Variants in RIC1 observed in about 807,000 individuals in gnomAD.
RIC1 encodes guanine nucleotide exchange factor subunit RIC1.
RIC1 carries 88 observed loss-of-function variants against 169.0 expected under a neutral mutation model. The observed-to-expected ratio is 0.52, with a 90% CI of 0.44 to 0.62. The LOEUF (loss-of-function observed/expected upper bound fraction) is 0.62. Among genes scored for constraint, RIC1 ranks in the 20% least tolerant of loss-of-function variants. The pLI, the probability that RIC1 is intolerant of heterozygous loss-of-function variation, is 0.00. For synonymous variants in RIC1, 790 were observed against 601.5 expected (o/e 1.31, Z -4.59); for missense variants, 1,877 against 1,725.5 (o/e 1.09, Z -1.56).
intron 1 of RIC1, among the ~76,000 whole-genome samples, chr9:5,655,001 T>C (rs1367790267): frequency 6.6e-6 from 1 of 152,240 alleles, no homozygotes; most frequent in East Asian, 1.9e-4. Flanking sequence ...TCAAATTTTC[T>C]ACATAGATGA....
chr9:5,705,021 A>C (rs960885982), intron 3 of RIC1, among the ~76,000 whole-genome samples: 2 of 152,136 alleles, frequency 1.3e-5, no homozygotes, highest in African/African-American at 4.8e-5. Flanking sequence ...ATTGATCTGT[A>C]TGTCTGCCCT....
chr9:5,747,487 G>A lies in RIC1; in HGVS notation c.1434G>A (p.Arg478=), dbSNP rs1483158110. The A allele has an allele frequency of 1.2e-6, 2 of 1,613,672 alleles. No homozygotes were observed. The highest frequency in any genetic ancestry group is 1.7e-6 in the Non-Finnish European group (2 of 1,179,684). Reference sequence around the variant, plus strand: ...GATTAAGCACTTTACTTGGACATCGGCATTGGCATGTTGTACAGGTAAATC... The same window carrying A: ...GATTAAGCACTTTACTTGGACATCGACATTGGCATGTTGTACAGGTAAATC... The part of the protein sequence containing the change: ...SQGLSTLLGH[R]HWHVVQISST... Residue 478 remains arginine, a synonymous_variant, in exon 12 of 26, where the codon CGG becomes CGA. Coordinates refer to ENST00000414202, the MANE Select transcript of RIC1 (RefSeq NM_020829.4).
rs564086192 is a variant in RIC1 at position 5,753,927 on chromosome 9, C to T, written c.1602+281C>T. 2.6e-5 allele frequency among the ~76,000 whole-genome samples: 4 copies of T among 152,106 alleles called. No individual in the cohort carries two copies. In the East Asian group the frequency reaches 5.8e-4, roughly 22 times the overall value. ...CTGAGGATTTATTCTTACATTCCAG[C>T]TTGAGTTTATCTGATGTGATCAGAA... is the stretch of plus-strand genomic sequence containing the variant. On this transcript the variant is annotated intron_variant, in intron 14 of 25. Transcript: ENST00000414202.
At chr9:5,655,438 T>G (rs1005251993) in intron 1 of RIC1, among the ~76,000 whole-genome samples, 2 of 152,010 alleles carry the variant, frequency 1.3e-5, no homozygotes, top group Non-Finnish European at 1.5e-5. Flanking sequence ...ATAGCTGGCA[T>G]TATAGGCGCC....
intron 12 of RIC1, among the ~76,000 whole-genome samples, chr9:5,750,158 A>G (rs948153843): frequency 6.6e-6 from 1 of 151,816 alleles, no homozygotes; most frequent in Non-Finnish European, 1.5e-5. Context: ...TTTTGAAGTC[A>G]TTTGTTGACA....
At chr9:5,647,349 G>A (rs1818566603) in intron 1 of RIC1, among the ~76,000 whole-genome samples, 1 of 152,202 alleles carries the variant, frequency 6.6e-6, no homozygotes, top group Non-Finnish European at 1.5e-5. Context: ...TGCTAAAAAT[G>A]CTGTTAGGAT....
In RIC1 at chr9:5,656,641, C is replaced by T; in HGVS notation, c.203C>T (p.Ser68Phe). ...EPAKSSTQFG[S>F]YKQAEWRPDS... ...GCAAAATCATCTACTCAGTTTGGAT[C>T]CTACAAGCAAGCTGAATGGAGGCCA... The change falls in exon 2 of 26, where the codon TCC becomes TTC. Residue 68 changes from serine to phenylalanine, a missense_variant. Physicochemically the swap from Ser to Phe is radical, Grantham distance 155 (BLOSUM62 -2). Coordinates refer to ENST00000414202, the MANE Select transcript of RIC1 (RefSeq NM_020829.4). 2 of 1,610,654 alleles carry T rather than the reference C, an allele frequency of 1.2e-6. No homozygotes were observed. Among genetic ancestry groups the T allele is most frequent in the Non-Finnish European group, 1.7e-6 (2 of 1,178,102 alleles).
chr9:5,774,918 G>A lies in RIC1; in HGVS notation c.*672G>A, dbSNP rs1391136050. On this transcript the variant is annotated 3_prime_UTR_variant, in exon 26 of 26. Coordinates refer to ENST00000414202, the MANE Select transcript of RIC1 (RefSeq NM_020829.4). The stretch of plus-strand genomic sequence containing the variant: ...GTCTGAGGGGGTTCTTCTCAATTTT[G>A]CTGTTAGATACCACTAAACTATTTT... 1 of 152,164 alleles carries A rather than the reference G, an allele frequency of 6.6e-6. No homozygotes were observed. The highest frequency in any genetic ancestry group is 1.5e-5 in the Non-Finnish European group (1 of 68,030). 9.4% of individuals were successfully genotyped at this position (152,164 alleles called of 1,614,324 possible).
intron 2 of RIC1, among the ~76,000 whole-genome samples, chr9:5,671,785 C>G (rs140437260): frequency 6.6e-6 from 1 of 152,220 alleles, no homozygotes; most frequent in African/African-American, 2.4e-5. Flanking sequence ...ATCAAGATAT[C>G]AAGTTCTTTA....
chr9:5,694,792 G>A (rs1311237793), intron 3 of RIC1, among the ~76,000 whole-genome samples: 2 of 94,076 alleles, frequency 2.1e-5, no homozygotes, highest in African/African-American at 5.4e-5. Flanking sequence ...TTGGTTTTTG[G>A]TGGCTTTTTT....
intron 6 of RIC1, among the ~76,000 whole-genome samples, chr9:5,730,865 C>T (rs1466925523): frequency 1.3e-5 from 2 of 152,108 alleles, no homozygotes; most frequent in Non-Finnish European, 2.9e-5. Flanking sequence ...ATCTGACCTC[C>T]TGTTACATCT....
intron 3 of RIC1, among the ~76,000 whole-genome samples, chr9:5,708,706 A>G (rs527850639): frequency 1.3e-5 from 2 of 152,162 alleles, no homozygotes; most frequent in East Asian, 3.9e-4. Context: ...CAGTTTGAAC[A>G]TGATGTGTCT....
chr9:5,694,796 C>CT (rs35762013), intron 3 of RIC1, among the ~76,000 whole-genome samples: 92,143 of 143,514 alleles, frequency 0.64, 32,816 homozygotes, highest in Non-Finnish European at 0.79. Context: ...TTTTTGGTGG[C>CT]TTTTTTTTTT....
At chr9:5,658,820 T>G (rs1003520572) in intron 2 of RIC1, among the ~76,000 whole-genome samples, 1 of 148,238 alleles carries the variant, frequency 6.7e-6, no homozygotes, top group African/African-American at 2.6e-5. Context: ...TTGGAAAGTT[T>G]TTTTGTTTTT....
chr9:5,743,435 C>T (rs1825195013), intron 9 of RIC1, among the ~76,000 whole-genome samples: 1 of 152,078 alleles, frequency 6.6e-6, no homozygotes, highest in Non-Finnish European at 1.5e-5. Flanking sequence ...CTACCCTGAA[C>T]CTCAGTTCTG....
chr9:5,713,134 A>T (rs1217479398), intron 3 of RIC1: 1 of 152,214 alleles, frequency 6.6e-6, no homozygotes, highest in Non-Finnish European at 1.5e-5. Context: ...AAAGGGAGAG[A>T]TGACATCAGC....
intron 2 of RIC1, among the ~76,000 whole-genome samples, chr9:5,674,684 C>T (rs995501772): frequency 3.3e-5 from 5 of 152,154 alleles, no homozygotes; most frequent in East Asian, 1.9e-4. Flanking sequence ...TGATGCCAGA[C>T]GAATACATAA....
chr9:5,743,655 G>A, intron 9 of RIC1, 34 bp from the exon 10 acceptor site: 1 of 1,521,898 alleles, frequency 6.6e-7, no homozygotes, highest in African/African-American at 1.4e-5. Flanking sequence ...GTAATTGGAA[G>A]GCTGTATTAT....
chr9:5,665,917 G>C (rs916673134), intron 2 of RIC1, among the ~76,000 whole-genome samples: 1 of 152,200 alleles, frequency 6.6e-6, no homozygotes, highest in Non-Finnish European at 1.5e-5. Context: ...GGAGGAACGG[G>C]ATCAGGGACC....
Sources: gnomAD v4.1 joint callset for allele counts (sites outside exome capture counted in the v4.1 genomes callset) on GRCh38, gnomAD v4.1.1 for gene constraint, MANE v1.5 for transcripts, NCBI Gene and HGNC (gene_info 2026-07-23, HGNC 2026-07-21) for gene names.